The following CNGB1 variants were observed in gnomAD, a reference collection of about 807,000 sequenced individuals.
CNGB1 encodes the protein cyclic nucleotide gated channel subunit beta 1.
In CNGB1, 126 loss-of-function variants were observed where a neutral mutation model predicts 151.7. The ratio of observed to expected loss-of-function variants is 0.83; its 90% CI spans 0.72 to 0.96. The LOEUF (loss-of-function observed/expected upper bound fraction) is 0.96, where lower values mean the gene tolerates loss of function less well. Among genes scored for constraint, CNGB1 ranks in the 40% least tolerant of loss-of-function variants. The pLI is 0.00. For synonymous variants in CNGB1, 623 were observed against 635.1 expected (o/e 0.98, Z 0.29); for missense variants, 1,698 against 1,627.0 (o/e 1.04, Z -0.75).
chr16:57,916,105 A>G, intron 22 of CNGB1, 24 bp downstream of exon 22: 1 of 1,613,312 alleles, frequency 6.2e-7, no homozygotes, highest in Non-Finnish European at 8.5e-7. Flanking sequence ...CGCAGACGCT[A>G]AACCTTGCAT....
chr16:57,903,741 G>T, intron 27 of CNGB1, 81 bp downstream of exon 27: 1 of 1,522,826 alleles, frequency 6.6e-7, no homozygotes, highest in Non-Finnish European at 9.1e-7. Flanking sequence ...GACGAGGGAG[G>T]CGCCCCGAAG....
rs769683445 is a variant in CNGB1, at chr16:57,904,841, G to A, written c.2527C>T (p.Leu843Phe). The A allele has an allele frequency of 5.3e-5, 86 of 1,614,044 alleles. No individual in the cohort carries two copies. Among genetic ancestry groups the A allele is most frequent in the Middle Eastern group, 1.6e-4 (1 of 6,084 alleles). ...IRCYYFAVKT[L>F]ITIGGLPDPK... is the part of the protein sequence containing the mutation. ...TCAGGCAGCCCCCCGATGGTGATGAGGGTCTTCACAGCAAAGTAGTAACAG... is the reference window on the plus strand; with the variant it reads ...TCAGGCAGCCCCCCGATGGTGATGAAGGTCTTCACAGCAAAGTAGTAACAG... The change falls in exon 26 of 33, where the codon CTC (leucine) becomes TTC (phenylalanine). Residue 843 changes from leucine to phenylalanine, a missense_variant. By Grantham distance (22) the Leu-to-Phe change is conservative. Transcript: ENST00000251102.
Position 57,897,842 on chromosome 16 carries a change from A to T in CNGB1, c.3049T>A (p.Ser1017Thr), listed in dbSNP as rs1960276515. ...VQVLGGPDGK[S>T]VLVTLKAGSV... is the part of the protein sequence containing the mutation. ...CCAGCTTTCAGCGTCACCAGCACAG[A>T]TTTCCCATCAGGGCCGCCCAAGACC... is the stretch of plus-strand genomic sequence containing the variant. The change falls in exon 30 of 33, where the codon TCT becomes ACT. Residue 1017 changes from serine (S) to threonine (T), a missense_variant. Physicochemically the swap from Ser to Thr is moderately conservative, Grantham distance 58. Transcript: ENST00000251102. 6.2e-6 allele frequency: 10 copies of T among 1,614,120 alleles called. No homozygotes were observed. The highest frequency in any genetic ancestry group is 7.6e-6 in the Non-Finnish European group (9 of 1,180,030).
At position 57,882,560 on chromosome 16, in the gene CNGB1, T is replaced by G. The variant is rs1225496730; in HGVS notation, c.*1604A>C. ...AAATACATACAGACATTTGCAAACC[T>G]TCAAAGGCCTCTGAGCAGCTCACAT... On this transcript the variant is annotated 3_prime_UTR_variant, in exon 33 of 33. Transcript: ENST00000251102. 6.6e-6 allele frequency: 1 copy of G among 152,142 alleles called. No homozygotes were observed. Among genetic ancestry groups the G allele is most frequent in the Non-Finnish European group, 1.5e-5 (1 of 68,034 alleles). The allele number at this position is 152,142 out of a possible 1,614,324, so 9.4% of individuals were successfully genotyped here.
At chr16:57,936,660 C>T (rs1961516327) in intron 16 of CNGB1, among the ~76,000 whole-genome samples, 1 of 152,054 alleles carries the variant, frequency 6.6e-6, no homozygotes, top group African/African-American at 2.4e-5. Flanking sequence ...GGCGTGATGG[C>T]GTATGCCTGT....
Position 57,884,179 on chromosome 16 carries a change from C to T in CNGB1, c.3741G>A (p.Glu1247=), listed in dbSNP as rs748268051. 2 of 1,613,938 alleles carry T rather than the reference C, an allele frequency of 1.2e-6. No individual in the cohort carries two copies. Among genetic ancestry groups the T allele is most frequent in the South Asian group, 1.1e-5 (1 of 91,092 alleles). ...TCACCCCACCTTACTCCGCCTTCTC[C>T]TCCCTTTCCTCCGGCATCTTCACCG... The part of the protein sequence containing the change: ...ILSVKMPEER[E]EKAE Residue 1247 remains glutamate, a synonymous_variant, in exon 33 of 33, where the codon GAG becomes GAA. Coordinates refer to ENST00000251102, the MANE Select transcript of CNGB1 (RefSeq NM_001297.5).
At chr16:57,934,237 T>C (rs536283951) in intron 16 of CNGB1, among the ~76,000 whole-genome samples, 10 of 151,884 alleles carry the variant, frequency 6.6e-5, no homozygotes, top group African/African-American at 1.2e-4. Context: ...GAAGGATCCC[T>C]TAAGTTCAAG....
At chr16:57,930,425 T>C (rs1256799961) in intron 17 of CNGB1, among the ~76,000 whole-genome samples, 4 of 150,340 alleles carry the variant, frequency 2.7e-5, no homozygotes, top group Non-Finnish European at 1.5e-5. Context: ...GCCTAGGAGG[T>C]TGAGGCTGCA....
At chr16:57,956,200 C>T (rs1240185564) in intron 12 of CNGB1, among the ~76,000 whole-genome samples, 2 of 152,156 alleles carry the variant, frequency 1.3e-5, no homozygotes, top group East Asian at 1.9e-4. Context: ...GCTGTGGCTG[C>T]CAGGCCAGGT....
intron 32 of CNGB1, among the ~76,000 whole-genome samples, chr16:57,887,220 A>G (rs1249356744): frequency 1.3e-5 from 2 of 152,104 alleles, no homozygotes; most frequent in African/African-American, 4.8e-5. Context: ...ACAGTATTAA[A>G]TATGAGGACA....
chr16:57,941,087 G>A (rs1213708638), intron 14 of CNGB1, among the ~76,000 whole-genome samples: 1 of 152,160 alleles, frequency 6.6e-6, no homozygotes, highest in Non-Finnish European at 1.5e-5. Flanking sequence ...AGGTAAAGTT[G>A]TCTGATATTT....
chr16:57,968,502 T>A (rs1436217008), intron 1 of CNGB1, among the ~76,000 whole-genome samples: 2 of 151,378 alleles, frequency 1.3e-5, no homozygotes, highest in African/African-American at 4.9e-5. Flanking sequence ...GTCTCAAAAA[T>A]AATAATAATA....
Position 57,930,941 on chromosome 16 carries a change from G to A in CNGB1, c.1535+775C>T, listed in dbSNP as rs567967690. ...ATGCAAGACGAAAAATTCTAGAGAT[G>A]TGCTGTAAATAATGTGCATATAGGT... On this transcript the variant is annotated intron_variant, in intron 17 of 32. Transcript: ENST00000251102. Among the ~76,000 whole-genome samples, 428 of 152,060 alleles carry A rather than the reference G, an allele frequency of 2.8e-3. 3 individuals carry two copies. Among genetic ancestry groups the A allele is most frequent in the African/African-American group, 9.6e-3 (400 of 41,466 alleles).
In CNGB1 at chr16:57,931,705, T is replaced by A; in HGVS notation, c.1535+11A>T. On this transcript the variant is annotated intron_variant, in intron 17 of 32. Transcript: ENST00000251102. ...TGCCGAGAAAAGCCCAAGAGAAGCA[T>A]AAAAGGTAACCTGTGTGTCCCCGAG... 6.2e-7 allele frequency: 1 copy of A among 1,613,826 alleles called. No individual in the cohort carries two copies. The highest frequency in any genetic ancestry group is 1.3e-5 in the African/African-American group (1 of 74,994).
intron 17 of CNGB1, 150 bp from the exon 18 acceptor site, chr16:57,923,530 T>C: frequency 1.5e-6 from 1 of 675,908 alleles, no homozygotes. Context: ...CTCATTTGCC[T>C]GGAGGGAGGG....
At chr16:57,961,448 C>T (rs1962253374) in intron 7 of CNGB1, among the ~76,000 whole-genome samples, 1 of 152,170 alleles carries the variant, frequency 6.6e-6, no homozygotes, top group South Asian at 2.1e-4. Context: ...TGGGAAGCTC[C>T]ACTCTCTTCA....
At position 57,917,398 on chromosome 16, in the gene CNGB1, G is replaced by A. The variant is rs1202895828; in HGVS notation, c.2036C>T (p.Ala679Val). ...GTTGTCCGGGGTCTGGTAGGGGAAGGCCCAGCGCACGGGAATCAGCCAACA... is the reference window on the plus strand; with the variant it reads ...GTTGTCCGGGGTCTGGTAGGGGAAGACCCAGCGCACGGGAATCAGCCAACA... Reference protein sequence around the residue: ...WNCWLIPVRWAFPYQTPDNIH... With the variant: ...WNCWLIPVRWVFPYQTPDNIH... The change falls in exon 21 of 33, where the codon GCC (alanine) becomes GTC (valine). Residue 679 changes from alanine to valine, a missense_variant. Physicochemically the swap from Ala to Val is moderately conservative, Grantham distance 64 (BLOSUM62 0). Transcript: ENST00000251102. 3.1e-6 allele frequency: 5 copies of A among 1,613,978 alleles called. No homozygotes were observed. The highest frequency in any genetic ancestry group is 4.5e-5 in the East Asian group (2 of 44,878).
intron 25 of CNGB1, among the ~76,000 whole-genome samples, chr16:57,905,834 G>C (rs1158566650): frequency 6.6e-6 from 1 of 152,254 alleles, no homozygotes; most frequent in Non-Finnish European, 1.5e-5. Flanking sequence ...GCCCTCACCA[G>C]ATGCCAGCAC....
At position 57,883,971 on chromosome 16, in the gene CNGB1, C is replaced by A; in HGVS notation, c.*193G>T. 1.4e-6 allele frequency: 1 copy of A among 711,328 alleles called. No homozygotes were observed. 44.1% of individuals were successfully genotyped at this position (711,328 alleles called of 1,614,324 possible). On this transcript the variant is annotated 3_prime_UTR_variant, in exon 33 of 33. Transcript: ENST00000251102. ...TTGATGCAACTTGTCGAGCTCAGGCCCAGCCCCGCGAGGAGCTGAGTCGGG... is the reference window on the plus strand; with the variant it reads ...TTGATGCAACTTGTCGAGCTCAGGCACAGCCCCGCGAGGAGCTGAGTCGGG...
Sources: gnomAD v4.1 joint callset for allele counts (sites outside exome capture counted in the v4.1 genomes callset) on GRCh38, gnomAD v4.1.1 for gene constraint, MANE v1.5 for transcripts, NCBI Gene and HGNC (gene_info 2026-07-23, HGNC 2026-07-21) for gene names.